ADAMTSL1: variants seen among roughly 807,000 people sequenced by gnomAD.
ADAMTSL1 encodes the protein ADAMTS like 1.
In ADAMTSL1, 126 loss-of-function variants were observed where a neutral mutation model predicts 201.8. That is an observed-to-expected ratio of 0.62 (90% CI 0.54 to 0.72). The LOEUF (loss-of-function observed/expected upper bound fraction) is 0.72. Among genes scored for constraint, ADAMTSL1 ranks in the 30% least tolerant of loss-of-function variants. The pLI, the probability that ADAMTSL1 is intolerant of heterozygous loss-of-function variation, is 0.00. For missense variants in ADAMTSL1, 2,679 were observed against 2,277.8 expected (o/e 1.18, Z -3.59); for synonymous variants, 1,121 against 903.4 (o/e 1.24, Z -4.32).
chr9:18,121,269 G>C (rs1825484726), intron 1 of ADAMTSL1, among the ~76,000 whole-genome samples: 1 of 152,198 alleles, frequency 6.6e-6, no homozygotes, highest in African/African-American at 2.4e-5. Context: ...AGCCAGCCAT[G>C]TGTTTGAAAT....
At chr9:18,723,114 G>A (rs1411679570) in intron 15 of ADAMTSL1, 4 of 767,874 alleles carry the variant, frequency 5.2e-6, no homozygotes, top group African/African-American at 1.7e-5. Context: ...TAGCTCTGTG[G>A]CCTAGGGCGA....
chr9:18,906,798 C>T lies in ADAMTSL1; in HGVS notation c.5068C>T (p.Arg1690Trp), dbSNP rs756001015. Residue 1690 changes from arginine (R) to tryptophan (W), a missense_variant, in exon 28 of 29, where the codon CGG (arginine) becomes TGG (tryptophan). Arg to Trp is a moderately radical substitution (Grantham distance 101, BLOSUM62 -3). Transcript: ENST00000380548. Reference sequence around the variant, plus strand: ...CTGTGGCAACTACGGCTTCCAGTCCCGGCGTGTGGAGTGTGTGCATGCCCG... The same window carrying T: ...CTGTGGCAACTACGGCTTCCAGTCCTGGCGTGTGGAGTGTGTGCATGCCCG... ...ATCGNYGFQSRRVECVHARTN... is the reference protein window; with the variant it reads ...ATCGNYGFQSWRVECVHARTN... The T allele has an allele frequency of 1.3e-5, 21 of 1,613,900 alleles. No individual in the cohort carries two copies. Among genetic ancestry groups the T allele is most frequent in the East Asian group, 4.5e-5 (2 of 44,890 alleles).
intron 13 of ADAMTSL1, among the ~76,000 whole-genome samples, chr9:18,687,330 A>G (rs1304844382): frequency 6.6e-6 from 1 of 152,190 alleles, no homozygotes; most frequent in Non-Finnish European, 1.5e-5. Flanking sequence ...TTCTAAATGT[A>G]TGTAACAACC....
chr9:18,683,882 T>C (rs1424991635), intron 12 of ADAMTSL1, among the ~76,000 whole-genome samples: 1 of 152,214 alleles, frequency 6.6e-6, no homozygotes, highest in Non-Finnish European at 1.5e-5. Context: ...CATATATGTA[T>C]AGACATATTT....
chr9:18,609,106 TAGA>T, intron 4 of ADAMTSL1, among the ~76,000 whole-genome samples: 1 of 152,298 alleles, frequency 6.6e-6, no homozygotes, highest in East Asian at 1.9e-4. Context: ...CCTTAGGTTT[TAGA>T]AGAATGACTA....
chr9:18,157,244 G>C (rs1827195608), intron 1 of ADAMTSL1, among the ~76,000 whole-genome samples: 1 of 152,018 alleles, frequency 6.6e-6, no homozygotes, highest in African/African-American at 2.4e-5. Context: ...TTTATACACT[G>C]CTCTGTGAGA....
intron 2 of ADAMTSL1, among the ~76,000 whole-genome samples, chr9:18,167,723 A>C (rs1334713015): frequency 6.6e-6 from 1 of 151,842 alleles, no homozygotes; most frequent in East Asian, 1.9e-4. Context: ...GGACTCACCA[A>C]CCTCCTCCCC....
intron 4 of ADAMTSL1, 41 bp downstream of exon 4, chr9:18,574,307 T>C (rs1564060508): frequency 2.6e-6 from 4 of 1,529,168 alleles, no homozygotes; most frequent in Non-Finnish European, 3.6e-6. Context: ...TCCAGAGGGT[T>C]TCAATGTCTT....
At chr9:18,193,031 A>C (rs2132238748) in intron 2 of ADAMTSL1, among the ~76,000 whole-genome samples, 1 of 152,308 alleles carries the variant, frequency 6.6e-6, no homozygotes, top group South Asian at 2.1e-4. Flanking sequence ...GAAGACATTA[A>C]GAGTGTGATG....
chr9:18,644,464 G>A (rs1827654129), intron 7 of ADAMTSL1, among the ~76,000 whole-genome samples: 4 of 151,610 alleles, frequency 2.6e-5, no homozygotes, highest in Admixed American at 2.0e-4. Context: ...GTATACATGT[G>A]GCATGCTGGT....
chr9:18,795,593 A>G, intron 20 of ADAMTSL1, 69 bp downstream of exon 20: 1 of 1,496,732 alleles, frequency 6.7e-7, no homozygotes, highest in Non-Finnish European at 9.0e-7. Flanking sequence ...AGTGTGTCAA[A>G]CAGGCCCAGA....
intron 2 of ADAMTSL1, among the ~76,000 whole-genome samples, chr9:18,288,668 GA>G (rs1227084695): frequency 6.6e-6 from 1 of 151,970 alleles, no homozygotes; most frequent in East Asian, 1.9e-4. Flanking sequence ...AAAAGATAAA[GA>G]AAAAAAGAAA....
chr9:18,684,858 A>G, intron 13 of ADAMTSL1, 58 bp downstream of exon 13: 2 of 1,551,788 alleles, frequency 1.3e-6, no homozygotes, highest in Admixed American at 3.9e-5. Flanking sequence ...TAAAGAAAGC[A>G]GTGTCTCACT....
chr9:18,323,068 G>GA (rs1467573980), intron 2 of ADAMTSL1, among the ~76,000 whole-genome samples: 2 of 151,832 alleles, frequency 1.3e-5, no homozygotes, highest in Admixed American at 6.6e-5. Context: ...CAAAATCTGA[G>GA]AAAAAAGCAT....
intron 2 of ADAMTSL1, among the ~76,000 whole-genome samples, chr9:18,174,859 T>C (rs1490045249): frequency 3.3e-5 from 5 of 152,192 alleles, no homozygotes; most frequent in African/African-American, 1.2e-4. Flanking sequence ...TAAAAAATGG[T>C]AGCGTTATTA....
chr9:18,033,110 C>G (rs541592468), intron 1 of ADAMTSL1, among the ~76,000 whole-genome samples: 1 of 152,288 alleles, frequency 6.6e-6, no homozygotes, highest in South Asian at 2.1e-4. Flanking sequence ...TAATAACTTC[C>G]TTATTTCTGA....
At chr9:18,044,771 T>A (rs1480846120) in intron 1 of ADAMTSL1, among the ~76,000 whole-genome samples, 1 of 152,194 alleles carries the variant, frequency 6.6e-6, no homozygotes, top group African/African-American at 2.4e-5. Context: ...TGGATTTATC[T>A]AAGACAACAC....
At chr9:18,109,639 T>C (rs182705932) in intron 1 of ADAMTSL1, among the ~76,000 whole-genome samples, 1 of 152,104 alleles carries the variant, frequency 6.6e-6, no homozygotes, top group Non-Finnish European at 1.5e-5. Flanking sequence ...ACAAACAGAT[T>C]CATGGTAATA....
At chr9:18,253,473 C>G (rs187140589) in intron 2 of ADAMTSL1, among the ~76,000 whole-genome samples, 12 of 152,288 alleles carry the variant, frequency 7.9e-5, no homozygotes, top group African/African-American at 2.9e-4. Flanking sequence ...GCCTATATTT[C>G]TTTTCTAAAA....
Sources: allele counts gnomAD v4.1 joint callset (sites outside exome capture counted in the v4.1 genomes callset), GRCh38; gene constraint gnomAD v4.1.1; transcripts MANE v1.5; gene names NCBI Gene and HGNC (gene_info 2026-07-23, HGNC 2026-07-21).